Variants in LIMS2 observed in about 807,000 individuals in gnomAD.
The protein encoded by LIMS2 is LIM zinc finger domain containing 2.
LIMS2 carries 30 observed loss-of-function variants against 45.3 expected under a neutral mutation model. The observed-to-expected ratio is 0.66, with a 90% confidence interval of 0.50 to 0.90. LIMS2 has a LOEUF of 0.90. Among genes scored for constraint, LIMS2 ranks in the 40% least tolerant of loss-of-function variants. The probability of loss-of-function intolerance (pLI) is 0.00; values close to 1 mark genes in which losing one functional copy is unlikely to be tolerated. For synonymous variants in LIMS2, 173 were observed against 188.0 expected, an observed-to-expected ratio of 0.92 and a Z score of 0.65; for missense variants, 485 against 468.7, an observed-to-expected ratio of 1.03 and a Z score of -0.32.
At chr2:127,655,242 G>A (rs1684176759) in intron 2 of LIMS2, 1 of 407,134 alleles carries the variant, frequency 2.5e-6, no homozygotes. Context: ...AGTCTGAAGT[G>A]TAGTGTCACT....
intron 1 of LIMS2, among the ~76,000 whole-genome samples, chr2:127,662,823 A>C (rs1684765082): frequency 6.6e-6 from 1 of 152,170 alleles, no homozygotes; most frequent in South Asian, 2.1e-4. Flanking sequence ...AAAAATTAAC[A>C]TGCTGCCTGG....
intron 1 of LIMS2, among the ~76,000 whole-genome samples, chr2:127,660,344 G>A (rs1222065580): frequency 6.6e-6 from 1 of 152,174 alleles, no homozygotes; most frequent in East Asian, 1.9e-4. Context: ...GGTGTGGAAA[G>A]TTTGTTCTTT....
At chr2:127,640,636 AG>A in intron 7 of LIMS2, 1 of 597,212 alleles carries the variant, frequency 1.7e-6, no homozygotes. Context: ...CAAGGGAGGG[AG>A]GGGGTTGCTG....
intron 1 of LIMS2, among the ~76,000 whole-genome samples, chr2:127,666,939 T>C (rs1395122942): frequency 6.6e-6 from 1 of 152,140 alleles, no homozygotes; most frequent in Non-Finnish European, 1.5e-5. Flanking sequence ...ACGTGGGGAT[T>C]ATAGGGATTA....
At chr2:127,666,040 G>A (rs1040043615) in intron 1 of LIMS2, among the ~76,000 whole-genome samples, 1 of 152,148 alleles carries the variant, frequency 6.6e-6, no homozygotes, top group Non-Finnish European at 1.5e-5. Context: ...CCAAATCTCT[G>A]CACAACCTTA....
chr2:127,673,118 TG>T (rs1685342371), intron 1 of LIMS2, among the ~76,000 whole-genome samples: 1 of 152,126 alleles, frequency 6.6e-6, no homozygotes, highest in Non-Finnish European at 1.5e-5. Context: ...GGGAAGCCAG[TG>T]GGGCACCAGC....
chr2:127,652,789 G>C (rs1453637521), intron 4 of LIMS2: 1 of 152,250 alleles, frequency 6.6e-6, no homozygotes, highest in African/African-American at 2.4e-5. Context: ...CAGATTCTGA[G>C]GTTCTGCACT....
At chr2:127,651,894 C>G in intron 4 of LIMS2, 2 of 773,658 alleles carry the variant, frequency 2.6e-6, no homozygotes, top group South Asian at 3.6e-5. Flanking sequence ...TCTAGATCGC[C>G]TAGTCTCAAC....
intron 1 of LIMS2, chr2:127,674,668 A>G (rs1311779712): frequency 1.0e-6 from 1 of 985,382 alleles, no homozygotes; most frequent in Non-Finnish European, 1.2e-6. Context: ...TGGGGGAGGC[A>G]CGCAACCTTT....
At position 127,667,445 on chromosome 2, in the gene LIMS2, T is replaced by C. The variant is rs1323616413; in HGVS notation, c.11+7569A>G. ...AATGCTAAAGTCACATAGATGCAAA[T>C]GTCCTCGATAAAATACAATAAATCT... On this transcript the variant is annotated intron_variant, in intron 1 of 9. Transcript: ENST00000355119. The surrounding 1 kb of genome is among the most constrained non-coding windows in gnomAD (Gnocchi z 4.1). Among the ~76,000 whole-genome samples the C allele has an allele frequency of 6.6e-6, 1 of 152,194 alleles. No homozygotes were observed. The highest frequency in any genetic ancestry group is 1.5e-5 in the Non-Finnish European group (1 of 68,034).
intron 1 of LIMS2, among the ~76,000 whole-genome samples, chr2:127,668,908 A>G (rs1685159409): frequency 1.3e-5 from 2 of 151,780 alleles, no homozygotes; most frequent in Admixed American, 1.3e-4. Context: ...CCTGGGCAAC[A>G]TGGCAAAATC....
chr2:127,641,916 C>A, intron 6 of LIMS2, 133 bp downstream of exon 6: 1 of 1,103,032 alleles, frequency 9.1e-7, no homozygotes, highest in East Asian at 2.9e-5. Context: ...GGCAGTACCC[C>A]TGAGGAAGGG....
In LIMS2 at chr2:127,667,430, T is replaced by C. The variant is rs1281529656; in HGVS notation, c.11+7584A>G. On this transcript the variant is annotated intron_variant, in intron 1 of 9. Coordinates refer to ENST00000355119, the MANE Select transcript of LIMS2 (RefSeq NM_001161403.3). This position sits in a 1 kb window ranked among gnomAD's most constrained non-coding sequence, Gnocchi z 4.1. ...TTGATCTCAAAATAAAATGCTAAAG[T>C]CACATAGATGCAAATGTCCTCGATA... Among the ~76,000 whole-genome samples, 1 of 152,218 alleles carries C rather than the reference T, an allele frequency of 6.6e-6. No individual in the cohort carries two copies. The highest frequency in any genetic ancestry group is 1.5e-5 in the Non-Finnish European group (1 of 68,040).
At chr2:127,678,926 C>T (rs547516923), upstream of LIMS2, among the ~76,000 whole-genome samples, 43 of 152,244 alleles carry the variant, frequency 2.8e-4, no homozygotes, top group African/African-American at 9.9e-4. This position sits in a 1 kb window ranked among gnomAD's most constrained non-coding sequence, Gnocchi z 5.3. Flanking sequence ...GGAATTTCAA[C>T]TCTAGGGCTC....
intron 7 of LIMS2, chr2:127,640,578 C>G (rs1483837035): frequency 1.7e-6 from 1 of 601,178 alleles, no homozygotes; most frequent in African/African-American, 1.9e-5. Flanking sequence ...GAGGTGGGCC[C>G]AGGTGGTGAC....
intron 3 of LIMS2, 95 bp downstream of exon 3, chr2:127,654,735 C>T (rs752300043): frequency 6.7e-7 from 1 of 1,483,116 alleles, no homozygotes; most frequent in Non-Finnish European, 9.4e-7. Context: ...TAGGAAAGAG[C>T]TGGGCCAGTT....
chr2:127,651,793 G>A, intron 4 of LIMS2: 1 of 1,577,726 alleles, frequency 6.3e-7, no homozygotes, highest in Non-Finnish European at 8.7e-7. Flanking sequence ...AGACTGTTTA[G>A]GACTCAGCAG....
chr2:127,654,460 T>G lies in LIMS2; in HGVS notation c.323A>C (p.Glu108Ala), dbSNP rs779665485. 1.2e-6 allele frequency: 2 copies of G among 1,614,130 alleles called. No individual in the cohort carries two copies. Among genetic ancestry groups the G allele is most frequent in the Admixed American group, 1.7e-5 (1 of 60,018 alleles). ...CTTCACAAAGCCCAGGTCAGCCAGC[T>G]CCACATCACACAGCTCGCAGCGGAA... ...GCFRCELCDV[E>A]LADLGFVKNA... Residue 108 changes from glutamate to alanine, a missense_variant, in exon 4 of 10, where the codon GAG becomes GCG. By Grantham distance (107) the Glu-to-Ala change is moderately radical. Transcript: ENST00000355119.
chr2:127,673,611 C>G, intron 1 of LIMS2: 3 of 1,491,054 alleles, frequency 2.0e-6, no homozygotes, highest in South Asian at 1.2e-5. Flanking sequence ...ATTCCAGCCC[C>G]GCACCCTTCA....
Sources: gnomAD v4.1 joint callset for allele counts (sites outside exome capture counted in the v4.1 genomes callset) on GRCh38, gnomAD v4.1.1 for gene constraint, Gnocchi (gnomAD v3.1) non-coding constraint, MANE v1.5 for transcripts, NCBI Gene and HGNC (gene_info 2026-07-23, HGNC 2026-07-21) for gene names.